The following PTPRD variants were observed in gnomAD, a reference collection of about 807,000 sequenced individuals.
PTPRD encodes receptor-type tyrosine-protein phosphatase delta.
In PTPRD, 34 loss-of-function variants were observed where a neutral mutation model predicts 214.5. The observed-to-expected ratio is 0.16, with a 90% CI of 0.12 to 0.21. The LOEUF (loss-of-function observed/expected upper bound fraction) is 0.21, where lower values mean the gene tolerates loss of function less well. Among genes scored for constraint, PTPRD ranks in the 10% least tolerant of loss-of-function variants. PTPRD has a pLI of 1.00. For missense variants in PTPRD, 2,545 were observed against 2,398.7 expected, an observed-to-expected ratio of 1.06 and a Z score of -1.27; for synonymous variants, 1,128 against 845.7, an observed-to-expected ratio of 1.33 and a Z score of -5.79.
At chr9:9,388,521 T>C (rs2064688323) in intron 9 of PTPRD, among the ~76,000 whole-genome samples, 1 of 152,132 alleles carries the variant, frequency 6.6e-6, no homozygotes, top group Non-Finnish European at 1.5e-5. Flanking sequence ...AACTAAGATG[T>C]ATGGTTACCT....
intron 3 of PTPRD, among the ~76,000 whole-genome samples, chr9:10,159,467 C>CA (rs1369466269): frequency 6.6e-6 from 1 of 151,788 alleles, no homozygotes; most frequent in Admixed American, 6.6e-5. Context: ...TGTGCATGCA[C>CA]AAAAAATAAC....
chr9:10,429,463 G>A (rs929389172), intron 2 of PTPRD, among the ~76,000 whole-genome samples: 5 of 151,724 alleles, frequency 3.3e-5, no homozygotes, highest in African/African-American at 7.3e-5. Context: ...AATAAAGTGC[G>A]GTGTATATGC....
intron 21 of PTPRD, among the ~76,000 whole-genome samples, chr9:8,510,223 G>A (rs926810658): frequency 3.3e-5 from 5 of 152,056 alleles, no homozygotes; most frequent in Non-Finnish European, 5.9e-5. Flanking sequence ...GTCCAGGAGC[G>A]TGAGGCTACA....
At chr9:10,590,224 T>C (rs73398218) in intron 2 of PTPRD, among the ~76,000 whole-genome samples, 13,507 of 152,064 alleles carry the variant, frequency 0.089, 740 homozygotes, top group African/African-American at 0.14. Flanking sequence ...CTATAATATT[T>C]ACTAATAACA....
chr9:9,698,451 G>A (rs2154409838), intron 7 of PTPRD, among the ~76,000 whole-genome samples: 1 of 152,290 alleles, frequency 6.6e-6, no homozygotes, highest in South Asian at 2.1e-4. Context: ...AAGGGCAAAT[G>A]CCAACAGTAT....
chr9:10,526,413 A>G (rs1296676035), intron 2 of PTPRD, among the ~76,000 whole-genome samples: 1 of 152,136 alleles, frequency 6.6e-6, no homozygotes, highest in Non-Finnish European at 1.5e-5. Context: ...ATAATTACTG[A>G]AAATCATACC....
At chr9:10,214,037 C>G (rs555909567) in intron 3 of PTPRD, among the ~76,000 whole-genome samples, 2 of 152,166 alleles carry the variant, frequency 1.3e-5, no homozygotes, top group Non-Finnish European at 2.9e-5. Flanking sequence ...ATATCTTCAT[C>G]AAATCCTTCA....
At chr9:10,163,542 A>G (rs1316339348) in intron 3 of PTPRD, among the ~76,000 whole-genome samples, 1 of 151,474 alleles carries the variant, frequency 6.6e-6, no homozygotes, top group African/African-American at 2.4e-5. Flanking sequence ...TACATACTAA[A>G]ACATATTTTA....
At chr9:9,654,305 A>G (rs374867485) in intron 7 of PTPRD, among the ~76,000 whole-genome samples, 3 of 152,230 alleles carry the variant, frequency 2.0e-5, no homozygotes, top group Admixed American at 6.5e-5. Context: ...ATAGTAACAT[A>G]CTCTTCTTAT....
At chr9:9,195,247 T>A (rs1316748968) in intron 9 of PTPRD, among the ~76,000 whole-genome samples, 3 of 152,030 alleles carry the variant, frequency 2.0e-5, no homozygotes, top group Admixed American at 2.0e-4. Flanking sequence ...TTATGTGGAA[T>A]CTCAATTTCA....
At chr9:10,072,101 A>G (rs1196908189) in intron 3 of PTPRD, among the ~76,000 whole-genome samples, 1 of 151,988 alleles carries the variant, frequency 6.6e-6, no homozygotes, top group East Asian at 1.9e-4. Context: ...TGCAAATTAC[A>G]TATCTAATAA....
At chr9:9,343,654 A>T (rs2047688643) in intron 9 of PTPRD, among the ~76,000 whole-genome samples, 1 of 152,216 alleles carries the variant, frequency 6.6e-6, no homozygotes, top group Non-Finnish European at 1.5e-5. Context: ...AAAATCAGAT[A>T]AAACATTATA....
At chr9:10,474,574 C>G (rs574908000) in intron 2 of PTPRD, among the ~76,000 whole-genome samples, 1 of 151,730 alleles carries the variant, frequency 6.6e-6, no homozygotes, top group East Asian at 1.9e-4. Context: ...AATATTAGAT[C>G]AAAGAGGCAG....
At chr9:8,487,819 C>CAAAA (rs1435047794) in intron 27 of PTPRD, among the ~76,000 whole-genome samples, 7 of 73,580 alleles carry the variant, frequency 9.5e-5, no homozygotes, top group African/African-American at 3.5e-4. Context: ...CAAAAACAAA[C>CAAAA]AAACAAACAA....
At chr9:9,703,404 T>C (rs768631050) in intron 7 of PTPRD, among the ~76,000 whole-genome samples, 6 of 152,200 alleles carry the variant, frequency 3.9e-5, no homozygotes, top group Non-Finnish European at 7.3e-5. Flanking sequence ...TCTGATATTC[T>C]TTTAACATTA....
At chr9:9,829,640 C>G (rs908637701) in intron 5 of PTPRD, among the ~76,000 whole-genome samples, 3 of 151,790 alleles carry the variant, frequency 2.0e-5, no homozygotes, top group East Asian at 1.9e-4. Flanking sequence ...TACAGGATAA[C>G]ATTAACCAAA....
At chr9:8,741,948 GAAGT>G (rs1292762801) in intron 11 of PTPRD, among the ~76,000 whole-genome samples, 1 of 152,026 alleles carries the variant, frequency 6.6e-6, no homozygotes, top group African/African-American at 2.4e-5. Flanking sequence ...CCAATCAAAA[GAAGT>G]AATTAATATG....
chr9:8,888,825 T>C (rs1354549551), intron 11 of PTPRD, among the ~76,000 whole-genome samples: 1 of 152,172 alleles, frequency 6.6e-6, no homozygotes, highest in Non-Finnish European at 1.5e-5. Context: ...ACACAGACTT[T>C]GGAGTCCAAC....
intron 7 of PTPRD, among the ~76,000 whole-genome samples, chr9:9,718,672 G>T (rs1159513294): frequency 3.9e-5 from 6 of 152,332 alleles, no homozygotes; most frequent in African/African-American, 1.2e-4. Context: ...TTGTGGACAT[G>T]TCCCAATAGC....
Sources: allele counts gnomAD v4.1 joint callset (sites outside exome capture counted in the v4.1 genomes callset), GRCh38; gene constraint gnomAD v4.1.1; transcripts MANE v1.5; gene names NCBI Gene and HGNC (gene_info 2026-07-23, HGNC 2026-07-21).